HIBADH: variants seen among roughly 807,000 people sequenced by gnomAD.
HIBADH encodes 3-hydroxyisobutyrate dehydrogenase, also known as 3-hydroxyisobutyrate dehydrogenase, mitochondrial.
In HIBADH, 25 loss-of-function variants were observed where a neutral mutation model predicts 36.1. The observed-to-expected ratio is 0.69, with a 90% confidence interval of 0.50 to 0.97. The LOEUF is 0.97. HIBADH is among the 50% of genes least tolerant of loss of function. The pLI is 0.00. For missense variants in HIBADH, 421 were observed against 418.0 expected (o/e 1.01, Z -0.06); for synonymous variants, 160 against 149.5 (o/e 1.07, Z -0.51).
intron 4 of HIBADH, among the ~76,000 whole-genome samples, chr7:27,620,722 G>A (rs1363692262): frequency 6.6e-6 from 1 of 151,918 alleles, no homozygotes. Context: ...AAACTCACCA[G>A]CAAAGCAATC....
At chr7:27,577,717 T>TGAG (rs1366174623) in intron 4 of HIBADH, among the ~76,000 whole-genome samples, 2 of 152,170 alleles carry the variant, frequency 1.3e-5, no homozygotes, top group Non-Finnish European at 2.9e-5. Context: ...ATAATCATCC[T>TGAG]CGTTCCCTAA....
At chr7:27,590,249 A>C (rs1784920738) in intron 4 of HIBADH, among the ~76,000 whole-genome samples, 1 of 152,182 alleles carries the variant, frequency 6.6e-6, no homozygotes, top group African/African-American at 2.4e-5. Context: ...CACCCAGAAA[A>C]GTTGAGACTC....
At chr7:27,602,545 C>T (rs2128290476) in intron 4 of HIBADH, among the ~76,000 whole-genome samples, 1 of 152,170 alleles carries the variant, frequency 6.6e-6, no homozygotes, top group East Asian at 1.9e-4. Context: ...CTCTTGTTAC[C>T]TATTTTTCAA....
chr7:27,551,487 C>A (rs1784319342), intron 4 of HIBADH, among the ~76,000 whole-genome samples: 1 of 152,140 alleles, frequency 6.6e-6, no homozygotes, highest in African/African-American at 2.4e-5. Flanking sequence ...TCAGCTTAAA[C>A]ATGTCGAAGT....
At chr7:27,564,271 T>C (rs1380732922) in intron 4 of HIBADH, among the ~76,000 whole-genome samples, 1 of 152,244 alleles carries the variant, frequency 6.6e-6, no homozygotes, top group Non-Finnish European at 1.5e-5. Context: ...CACAGAATTT[T>C]TTCCAAACCC....
chr7:27,590,298 G>A (rs920839261), intron 4 of HIBADH, among the ~76,000 whole-genome samples: 1 of 152,026 alleles, frequency 6.6e-6, no homozygotes, highest in African/African-American at 2.4e-5. Context: ...AACAGATAGA[G>A]GAAATAAAAG....
At chr7:27,547,297 T>C (rs1323180619) in intron 4 of HIBADH, among the ~76,000 whole-genome samples, 1 of 152,186 alleles carries the variant, frequency 6.6e-6, no homozygotes, top group African/African-American at 2.4e-5. Context: ...AGGCCTCTGT[T>C]CAAAATTCAC....
intron 1 of HIBADH, among the ~76,000 whole-genome samples, chr7:27,653,427 C>G (rs781733464): frequency 3.3e-5 from 5 of 152,026 alleles, no homozygotes. Flanking sequence ...AAAAGATGTC[C>G]AACAGACTAT....
intron 4 of HIBADH, among the ~76,000 whole-genome samples, chr7:27,622,026 A>C (rs999915269): frequency 1.3e-5 from 2 of 152,038 alleles, no homozygotes; most frequent in Non-Finnish European, 2.9e-5. Flanking sequence ...AGGCCAAGGT[A>C]GGAGGATCAC....
intron 4 of HIBADH, among the ~76,000 whole-genome samples, chr7:27,622,852 A>C (rs557280409): frequency 1.3e-5 from 2 of 152,274 alleles, no homozygotes; most frequent in Admixed American, 6.5e-5. Flanking sequence ...AACTAATACT[A>C]ATCTTTTTGA....
At chr7:27,606,836 C>T (rs1292621109) in intron 4 of HIBADH, among the ~76,000 whole-genome samples, 1 of 152,076 alleles carries the variant, frequency 6.6e-6, no homozygotes, top group African/African-American at 2.4e-5. Context: ...GTTTACATTC[C>T]CACTTTGGAT....
At position 27,543,078 on chromosome 7, in the gene HIBADH, C is replaced by T. The variant is rs756286958; in HGVS notation, c.507G>A (p.Gly169=). ...VSGGVGAARS[G]NLTFMVGGVE... ...CTCCTCCCACCATAAACGTGAGGTT[C>T]CCAGATCGTGCAGCTCCTACACCTG... Residue 169 remains glycine, a synonymous_variant, in exon 5 of 8, where the codon GGG becomes GGA. Coordinates refer to ENST00000265395, the MANE Select transcript of HIBADH (RefSeq NM_152740.4). 2 of 1,613,568 alleles carry T rather than the reference C, an allele frequency of 1.2e-6. No homozygotes were observed. The highest frequency in any genetic ancestry group is 1.3e-5 in the African/African-American group (1 of 74,862).
At chr7:27,645,373 T>TTG in intron 2 of HIBADH, among the ~76,000 whole-genome samples, 1 of 120,964 alleles carries the variant, frequency 8.3e-6, no homozygotes, top group Non-Finnish European at 1.7e-5. Context: ...TTTTGATTTT[T>TTG]TTTTTTTTTT....
At chr7:27,603,523 CTATA>C (rs1247321319) in intron 4 of HIBADH, among the ~76,000 whole-genome samples, 2 of 151,802 alleles carry the variant, frequency 1.3e-5, no homozygotes, top group Non-Finnish European at 2.9e-5. Context: ...GTTTCCTTGC[CTATA>C]TATTTATAGA....
intron 4 of HIBADH, among the ~76,000 whole-genome samples, chr7:27,593,174 A>G (rs147434576): frequency 9.2e-5 from 14 of 152,346 alleles, no homozygotes; most frequent in African/African-American, 3.1e-4. Flanking sequence ...AAAAATCTGA[A>G]ATCCGAAATG....
At chr7:27,540,381 TATTAGCTCTTGAATTA>T (rs1011923241) in intron 5 of HIBADH, among the ~76,000 whole-genome samples, 9 of 152,206 alleles carry the variant, frequency 5.9e-5, no homozygotes, top group Non-Finnish European at 1.2e-4. Context: ...CTGTGGTGTC[TATTAGCTCTTGAATTA>T]ATCCAAGATC....
At chr7:27,527,942 T>TTA (rs778059186) in intron 7 of HIBADH, among the ~76,000 whole-genome samples, 9 of 115,278 alleles carry the variant, frequency 7.8e-5, no homozygotes, top group Non-Finnish European at 1.8e-4. Context: ...TTTTTTTTTT[T>TTA]AGTAGAGACA....
chr7:27,652,778 T>A (rs1048327883), intron 1 of HIBADH, among the ~76,000 whole-genome samples: 2 of 152,054 alleles, frequency 1.3e-5, no homozygotes, highest in African/African-American at 4.8e-5. Flanking sequence ...AGGAGCTCTA[T>A]CCGCATGATC....
At chr7:27,530,932 GCACACACACA>G (rs371803902) in intron 7 of HIBADH, among the ~76,000 whole-genome samples, 2 of 150,660 alleles carry the variant, frequency 1.3e-5, no homozygotes, top group African/African-American at 4.9e-5. Flanking sequence ...ACCCAAGTGC[GCACACACACA>G]CACACGCACA....
Sources: gnomAD v4.1 joint callset for allele counts (sites outside exome capture counted in the v4.1 genomes callset) on GRCh38, gnomAD v4.1.1 for gene constraint, MANE v1.5 for transcripts, NCBI Gene and HGNC (gene_info 2026-07-23, HGNC 2026-07-21) for gene names.